DNAJC9: variants seen among roughly 807,000 people sequenced by gnomAD.
DNAJC9 encodes dnaJ homolog subfamily C member 9.
DNAJC9 carries 18 observed loss-of-function variants against 32.4 expected under a neutral mutation model. That is an observed-to-expected ratio of 0.56 (90% CI 0.38 to 0.82). The LOEUF is 0.82. Ranked by LOEUF, DNAJC9 falls within the 40% of genes least tolerant of loss-of-function variation. DNAJC9 has a pLI of 0.00. For missense variants in DNAJC9, 310 were observed against 321.8 expected (o/e 0.96, Z 0.28); for synonymous variants, 113 against 122.1 (o/e 0.93, Z 0.49).
intron 2 of DNAJC9, 73 bp from the exon 3 acceptor site, chr10:73,246,249 G>T: frequency 2.6e-6 from 4 of 1,513,044 alleles, no homozygotes; most frequent in Non-Finnish European, 2.7e-6. Context: ...TAAAACTAGA[G>T]TTGGGTGTTG....
downstream of DNAJC9, among the ~76,000 whole-genome samples, chr10:73,240,447 T>G (rs1333954295): frequency 6.6e-6 from 1 of 152,168 alleles, no homozygotes; most frequent in Non-Finnish European, 1.5e-5. Flanking sequence ...GCGTGGTGGC[T>G]CATGCCTGTA....
chr10:73,243,247 G>C lies in DNAJC9; in HGVS notation c.*153C>G. ...CTAGGAAATACTAAGATCAGGTTGA[G>C]AGATTCTGCTTGGTCTAGTCAATCT... On this transcript the variant is annotated 3_prime_UTR_variant, in exon 5 of 5. Transcript: ENST00000372950. 1 of 759,786 alleles carries C rather than the reference G, an allele frequency of 1.3e-6. No homozygotes were observed. The highest frequency in any genetic ancestry group is 2.6e-5 in the East Asian group (1 of 39,204). 47.1% of individuals were successfully genotyped at this position (759,786 alleles called of 1,614,324 possible). A position where few individuals can be genotyped will look rare whatever the true frequency, so the allele number is the denominator to read the frequency against.
At position 73,243,349 on chromosome 10, in the gene DNAJC9, C is replaced by T. The variant is rs765933987; in HGVS notation, c.*51G>A. ...GCCTTCAAATCCTGCCTGCACCTTG[C>T]CTACGATGGCATCAATTTACACCTA... On this transcript the variant is annotated 3_prime_UTR_variant, in exon 5 of 5. Coordinates refer to ENST00000372950, the MANE Select transcript of DNAJC9 (RefSeq NM_015190.5). The T allele has an allele frequency of 6.2e-6, 10 of 1,604,468 alleles. No homozygotes were observed. The African/African-American group carries it at 1.1e-4, about 17-fold the overall frequency.
intron 3 of DNAJC9, 77 bp from the exon 4 acceptor site, chr10:73,244,006 T>C: frequency 8.5e-7 from 1 of 1,173,906 alleles, no homozygotes; most frequent in Non-Finnish European, 1.2e-6. Context: ...AAAGCAAATC[T>C]ATAATTCTGT....
At chr10:73,244,203 A>C in intron 3 of DNAJC9, 1 of 396,460 alleles carries the variant, frequency 2.5e-6, no homozygotes, top group Non-Finnish European at 4.5e-6. Flanking sequence ...TGATGATAAA[A>C]AGGAACATGA....
chr10:73,239,779 CTGCTT>C (rs201056212), downstream of DNAJC9, among the ~76,000 whole-genome samples: 1,016 of 152,064 alleles, frequency 6.7e-3, 12 homozygotes, highest in African/African-American at 0.024. Context: ...ATGGATTAAA[CTGCTT>C]TGATCAGTTA....
rs983908349 is a variant in DNAJC9 at position 73,233,023 on chromosome 10, T to G, written n.147+10820A>C. The G allele has an allele frequency of 6.4e-6, 10 of 1,551,692 alleles. No homozygotes were observed. The highest frequency in any genetic ancestry group is 2.0e-5 in the Admixed American group (1 of 50,982). ...ATTGGCCAAATCGAGCTGTGGAGTT[T>G]AGTACATCATCTCTGTCATACACAG... On this transcript the variant is annotated intron_variant and non_coding_transcript_variant, in intron 2 of 2. Coordinates refer to the DNAJC9 transcript ENST00000469143.
At position 73,247,245 on chromosome 10, in the gene DNAJC9, A is replaced by C. The variant is rs1047322889; in HGVS notation, c.-56T>G. 4 of 1,547,952 alleles carry C rather than the reference A, an allele frequency of 2.6e-6. No homozygotes were observed. The East Asian group carries it at 9.7e-5, about 38-fold the overall frequency. ...AGCCGCTCCCAGCTGCGCCGGGTAC[A>C]ACCCAGGACTGCTTCTTTTTCGCGC... On this transcript the variant is annotated 5_prime_UTR_variant, in exon 1 of 5. Coordinates refer to ENST00000372950, the MANE Select transcript of DNAJC9 (RefSeq NM_015190.5).
downstream of DNAJC9, chr10:73,234,999 T>C (rs1208818387): frequency 1.3e-6 from 2 of 1,532,944 alleles, no homozygotes; most frequent in Admixed American, 2.0e-5. Flanking sequence ...TGGGCAGTAA[T>C]TCTGCAGGAT....
At chr10:73,243,729 T>C (rs921632680) in intron 4 of DNAJC9, 114 bp downstream of exon 4, 18 of 1,130,802 alleles carry the variant, frequency 1.6e-5, no homozygotes, top group Non-Finnish European at 2.0e-5. Context: ...AAAGGACAAA[T>C]AGAAGGTATG....
downstream of DNAJC9, among the ~76,000 whole-genome samples, chr10:73,236,725 CT>C (rs112151486): frequency 3.4e-3 from 467 of 135,618 alleles, no homozygotes; most frequent in Non-Finnish European, 4.2e-3. Flanking sequence ...TTTTTCTTTT[CT>C]TTTTTTTTTT....
At chr10:73,239,652 C>T (rs1184643369), downstream of DNAJC9, among the ~76,000 whole-genome samples, 16 of 140,554 alleles carry the variant, frequency 1.1e-4, no homozygotes, top group Non-Finnish European at 2.2e-4. Flanking sequence ...GGTAAACTGC[C>T]TTTTTTTTTT....
In DNAJC9 at chr10:73,243,520, CTGTT is replaced by C. The variant is rs1381539179; in HGVS notation, c.664-5_664-2del. 2 of 1,614,074 alleles carry C rather than the reference CTGTT, an allele frequency of 1.2e-6. No individual in the cohort carries two copies. The highest frequency in any genetic ancestry group is 1.7e-6 in the Non-Finnish European group (2 of 1,180,014). The stretch of plus-strand genomic sequence containing the variant: ...CCTTTTGCCGATCCTTTTGTCTGCT[CTGTT>C]TGAGAAGTTAAAACACAAGCTTTCA... On this transcript the variant is annotated splice_acceptor_variant and splice_polypyrimidine_tract_variant and intron_variant, in intron 4 of 4. Transcript: ENST00000372950. LOFTEE classifies it high-confidence loss of function.
chr10:73,243,629 T>C (rs1341602682), intron 4 of DNAJC9, 110 bp from the exon 5 acceptor site: 1 of 1,406,424 alleles, frequency 7.1e-7, no homozygotes, highest in Non-Finnish European at 9.7e-7. Flanking sequence ...GGTATGGAGT[T>C]TTTTTGGAAT....
In DNAJC9 at chr10:73,247,081, T is replaced by G; in HGVS notation, c.109A>C (p.Lys37Gln). Reference protein sequence around the residue: ...SDGEVRRGYHKVSLQVHPDRV... With the variant: ...SDGEVRRGYHQVSLQVHPDRV... Reference sequence around the variant, plus strand: ...TCCGGGTGTACCTGCAGGGACACCTTGTGGTAGCCTCGTCGGACCTCGCCG... The same window carrying G: ...TCCGGGTGTACCTGCAGGGACACCTGGTGGTAGCCTCGTCGGACCTCGCCG... Residue 37 changes from lysine (K) to glutamine (Q), a missense_variant, in exon 1 of 5, where the codon AAG becomes CAG. Physicochemically the swap from Lys to Gln is moderately conservative, Grantham distance 53. Coordinates refer to ENST00000372950, the MANE Select transcript of DNAJC9 (RefSeq NM_015190.5). The G allele has an allele frequency of 1.3e-6, 2 of 1,594,636 alleles. No homozygotes were observed. Among genetic ancestry groups the G allele is most frequent in the Non-Finnish European group, 1.7e-6 (2 of 1,171,726 alleles).
downstream of DNAJC9, chr10:73,241,879 A>G (rs530230127): frequency 6.6e-6 from 1 of 152,244 alleles, no homozygotes; most frequent in Non-Finnish European, 1.5e-5. Flanking sequence ...CATATCCTAT[A>G]AACAGCAGGA....
chr10:73,234,862 G>C (rs61742710), downstream of DNAJC9: 1 of 1,551,616 alleles, frequency 6.4e-7, no homozygotes, highest in African/African-American at 1.4e-5. Flanking sequence ...CGACGCCCCT[G>C]AGTCGAAATA....
At chr10:73,235,691 T>C (rs1404623417), downstream of DNAJC9, among the ~76,000 whole-genome samples, 1 of 151,972 alleles carries the variant, frequency 6.6e-6, no homozygotes, top group African/African-American at 2.4e-5. Context: ...GATGAGTGAG[T>C]TGGGACTTTA....
Position 73,243,383 on chromosome 10 carries a change from T to C in DNAJC9, c.*17A>G. On this transcript the variant is annotated 3_prime_UTR_variant, in exon 5 of 5. Transcript: ENST00000372950. ...GCATCAATTTACACCTAAGGACCTT[T>C]GAAGAGAAAAATTCCATTATTTCTT... The C allele has an allele frequency of 1.2e-6, 2 of 1,612,606 alleles. No individual in the cohort carries two copies. Among genetic ancestry groups the C allele is most frequent in the Non-Finnish European group, 1.7e-6 (2 of 1,179,778 alleles).
Sources: allele counts gnomAD v4.1 joint callset (sites outside exome capture counted in the v4.1 genomes callset), GRCh38; gene constraint gnomAD v4.1.1; transcripts MANE v1.5; gene names NCBI Gene and HGNC (gene_info 2026-07-23, HGNC 2026-07-21).